Variants in ZNF263 observed in about 807,000 individuals in gnomAD.
ZNF263 encodes the protein zinc finger protein FPM315.
Under a neutral mutation model 63.1 loss-of-function variants are expected in ZNF263, and 49 were observed. That is an observed-to-expected ratio of 0.78 (90% CI 0.62 to 0.99). ZNF263 has a LOEUF of 0.99. ZNF263 is among the 50% of genes least tolerant of loss of function. ZNF263 has a pLI of 0.00. For synonymous variants in ZNF263, 352 were observed against 324.2 expected, an observed-to-expected ratio of 1.09 and a Z score of -0.92; for missense variants, 872 against 854.8, an observed-to-expected ratio of 1.02 and a Z score of -0.25.
intron 1 of ZNF263, among the ~76,000 whole-genome samples, chr16:3,298,326 C>CAT (rs1959822491): frequency 6.6e-6 from 1 of 152,150 alleles, no homozygotes; most frequent in Non-Finnish European, 1.5e-5. Flanking sequence ...TGAAGACTAA[C>CAT]ATATATATAC....
At chr16:3,286,846 A>G (rs1474701839) in intron 4 of ZNF263, 1 of 152,186 alleles carries the variant, frequency 6.6e-6, no homozygotes, top group African/African-American at 2.4e-5. Context: ...TATGTATGAG[A>G]ATTCTTTTAA....
intron 2 of ZNF263, chr16:3,300,446 G>C (rs1249673595): frequency 2.5e-6 from 4 of 1,614,110 alleles, no homozygotes; most frequent in Non-Finnish European, 3.4e-6. Flanking sequence ...TCCTGCTTCA[G>C]TACAAAGTCC....
rs1450081269 is a variant in ZNF263 at position 3,290,225 on chromosome 16, G to T, written c.1719G>T (p.Lys573Asn). ...TNHGAHKAEK[K>N]LFECLTCGKS... is the part of the protein sequence containing the mutation. Reference sequence around the variant, plus strand: ...ATGGAGCCCATAAGGCAGAGAAGAAGCTCTTTGAATGTTTGACTTGTGGGA... The same window carrying T: ...ATGGAGCCCATAAGGCAGAGAAGAATCTCTTTGAATGTTTGACTTGTGGGA... Residue 573 changes from lysine (K) to asparagine (N), a missense_variant, in exon 6 of 6, where the codon AAG becomes AAT. Coordinates refer to ENST00000219069, the MANE Select transcript of ZNF263 (RefSeq NM_005741.5). 3 of 1,614,058 alleles carry T rather than the reference G, an allele frequency of 1.9e-6. No homozygotes were observed. The highest frequency in any genetic ancestry group is 1.3e-5 in the African/African-American group (1 of 74,910).
chr16:3,287,985 C>T (rs573465946), intron 4 of ZNF263, among the ~76,000 whole-genome samples: 59 of 151,506 alleles, frequency 3.9e-4, no homozygotes, highest in African/African-American at 1.4e-3. Context: ...GGCGCAGTGG[C>T]TCACACCTGT....
Position 3,290,670 on chromosome 16 carries a change from T to C in ZNF263, c.*112T>C, listed in dbSNP as rs550530131. On this transcript the variant is annotated 3_prime_UTR_variant, in exon 6 of 6. Coordinates refer to ENST00000219069, the MANE Select transcript of ZNF263 (RefSeq NM_005741.5). ...CCAAATGACCTCTGCATTCTTCAGG[T>C]AATGGGGGCTCATTGTGAGGGAGGT... 4.0e-5 allele frequency: 58 copies of C among 1,458,742 alleles called. No individual in the cohort carries two copies. In the East Asian group the frequency reaches 1.1e-3, roughly 27 times the overall value. 90.4% of individuals were successfully genotyped at this position (1,458,742 alleles called of 1,614,324 possible).
chr16:3,284,274 G>T, intron 1 of ZNF263, 69 bp downstream of exon 1: 1 of 1,445,562 alleles, frequency 6.9e-7, no homozygotes. Context: ...TTGCGCCCCC[G>T]GTCGAATTCA....
chr16:3,290,562 C>T lies in ZNF263; in HGVS notation c.*4C>T, dbSNP rs375081994. On this transcript the variant is annotated 3_prime_UTR_variant, in exon 6 of 6. Coordinates refer to ENST00000219069, the MANE Select transcript of ZNF263 (RefSeq NM_005741.5). ...TCAGAGAACTCACACAGGTTAGTAACAGTGGGGTTTCTCTTTGCCCCAGGT... is the reference window on the plus strand; with the variant it reads ...TCAGAGAACTCACACAGGTTAGTAATAGTGGGGTTTCTCTTTGCCCCAGGT... 74 of 1,597,318 alleles carry T rather than the reference C, an allele frequency of 4.6e-5. No individual in the cohort carries two copies. The African/African-American group carries it at 8.6e-4, about 19-fold the overall frequency.
chr16:3,286,366 T>G, intron 4 of ZNF263: 1 of 546,082 alleles, frequency 1.8e-6, no homozygotes, highest in East Asian at 4.1e-5. Context: ...TGCCAGAGCC[T>G]AAGGCGAGTC....
rs111571808 is a variant in ZNF263, at chr16:3,290,753, G to T, written c.*195G>T. 21 of 1,395,230 alleles carry T rather than the reference G, an allele frequency of 1.5e-5. No individual in the cohort carries two copies. In the Middle Eastern group the frequency reaches 8.0e-4, roughly 53 times the overall value. 86.4% of individuals were successfully genotyped at this position (1,395,230 alleles called of 1,614,324 possible). A position where few individuals can be genotyped will look rare whatever the true frequency, so the allele number is the denominator to read the frequency against. On this transcript the variant is annotated 3_prime_UTR_variant, in exon 6 of 6. Coordinates refer to ENST00000219069, the MANE Select transcript of ZNF263 (RefSeq NM_005741.5). ...AAAGGAGTTCTGTCTGCATGAGAAA[G>T]GATGGCAAGTCTCTGAGGTGACCTC...
intron 2 of ZNF263, chr16:3,299,997 G>A (rs780731181): frequency 6.2e-7 from 1 of 1,613,984 alleles, no homozygotes; most frequent in Non-Finnish European, 8.5e-7. Flanking sequence ...ACCTTTCTTT[G>A]TTTATTTTCT....
In ZNF263 at chr16:3,286,101, C is replaced by G. The variant is rs746141205; in HGVS notation, c.721C>G (p.Leu241Val). Reference sequence around the variant, plus strand: ...GCATCAGGATCCTAGTAAGAGGGCCCTCTCCAGGGACACGGTGCAGGAGAG... The same window carrying G: ...GCATCAGGATCCTAGTAAGAGGGCCGTCTCCAGGGACACGGTGCAGGAGAG... ...WGHQDPSKRA[L>V]SRDTVQESYE... The change falls in exon 4 of 6, where the codon CTC (leucine) becomes GTC (valine). Residue 241 changes from leucine (L) to valine (V), a missense_variant. Transcript: ENST00000219069. The G allele has an allele frequency of 6.2e-6, 10 of 1,611,266 alleles. No homozygotes were observed. The South Asian group carries it at 6.6e-5, about 11-fold the overall frequency.
At chr16:3,288,644 T>TTTTG (rs1567251741) in intron 5 of ZNF263, 74 bp downstream of exon 5, 6 of 1,021,008 alleles carry the variant, frequency 5.9e-6, no homozygotes, top group Non-Finnish European at 7.2e-6. Flanking sequence ...CATTTTTTGG[T>TTTTG]TTTGTTTTGT....
chr16:3,288,709 G>T (rs772506545), intron 5 of ZNF263, 139 bp downstream of exon 5: 30 of 548,716 alleles, frequency 5.5e-5, no homozygotes, highest in Admixed American at 5.2e-4. Context: ...GCAACAGTGC[G>T]ATCTCGGCTC....
intron 2 of ZNF263, chr16:3,299,794 A>T (rs1478852511): frequency 1.3e-6 from 2 of 1,579,392 alleles, no homozygotes; most frequent in East Asian, 2.2e-5. Context: ...AAAATGTCGG[A>T]CCTCAGGAAC....
chr16:3,294,160 C>T (rs1376863798), downstream of ZNF263, among the ~76,000 whole-genome samples: 1 of 152,166 alleles, frequency 6.6e-6, no homozygotes, highest in African/African-American at 2.4e-5. Context: ...CTCCTGACCT[C>T]GTGATCTGCC....
chr16:3,297,089 G>A (rs1959766594), intron 1 of ZNF263, among the ~76,000 whole-genome samples: 1 of 152,040 alleles, frequency 6.6e-6, no homozygotes, highest in Admixed American at 6.6e-5. Context: ...CGGATCACGA[G>A]GTCAGGAGTT....
At chr16:3,299,570 C>T (rs1404211032) in intron 2 of ZNF263, 16 of 1,536,542 alleles carry the variant, frequency 1.0e-5, no homozygotes, top group South Asian at 1.3e-5. Context: ...ACAAGACTCT[C>T]TTCAAGTTGC....
rs1959521696 is a variant in ZNF263, at chr16:3,289,575, T to C, written c.1069T>C (p.Leu357=). Residue 357 remains leucine, a synonymous_variant, in exon 6 of 6, where the codon TTG becomes CTG. Coordinates refer to ENST00000219069, the MANE Select transcript of ZNF263 (RefSeq NM_005741.5). ...PPPEGGMEQA[L]AGASSGRELG... The stretch of plus-strand genomic sequence containing the variant: ...CCCAGAGGGTGGAATGGAGCAGGCC[T>C]TGGCAGGAGCCTCAAGTGGCAGAGA... 3 of 1,613,924 alleles carry C rather than the reference T, an allele frequency of 1.9e-6. No homozygotes were observed. The highest frequency in any genetic ancestry group is 2.5e-6 in the Non-Finnish European group (3 of 1,179,918).
downstream of ZNF263, among the ~76,000 whole-genome samples, chr16:3,293,554 A>G (rs1232168948): frequency 6.6e-6 from 1 of 152,206 alleles, no homozygotes; most frequent in Non-Finnish European, 1.5e-5. Context: ...TCACAGGGAG[A>G]CTAACCCTGG....
Sources: allele counts gnomAD v4.1 joint callset (sites outside exome capture counted in the v4.1 genomes callset), GRCh38; gene constraint gnomAD v4.1.1; transcripts MANE v1.5; gene names NCBI Gene and HGNC (gene_info 2026-07-23, HGNC 2026-07-21).